PLCL1: variants seen among roughly 807,000 people sequenced by gnomAD.
PLCL1 encodes phospholipase C like 1 (inactive).
Under a neutral mutation model 84.4 loss-of-function variants are expected in PLCL1, and 41 were observed. The observed-to-expected ratio is 0.49, with a 90% CI of 0.38 to 0.63. PLCL1 has a LOEUF of 0.63. PLCL1 is among the 30% of genes least tolerant of loss of function. The probability of loss-of-function intolerance (pLI) is 0.00; values close to 1 mark genes in which losing one functional copy is unlikely to be tolerated. For missense variants in PLCL1, 1,206 were observed against 1,367.8 expected (o/e 0.88, Z 1.87); for synonymous variants, 490 against 488.3 (o/e 1.00, Z -0.05).
intron 1 of PLCL1, among the ~76,000 whole-genome samples, chr2:197,899,069 C>T (rs1688212775): frequency 6.6e-6 from 1 of 152,090 alleles, no homozygotes; most frequent in Non-Finnish European, 1.5e-5. Context: ...GTCTAGTATA[C>T]AACTCAAGTA....
Position 197,804,902 on chromosome 2 carries a change from A to T in PLCL1, c.-198A>T. On this transcript the variant is annotated 5_prime_UTR_variant, in exon 1 of 6. Coordinates refer to ENST00000428675, the MANE Select transcript of PLCL1 (RefSeq NM_006226.4). ...TGCTAGCCTCCTAGACCGAAGCCCGAGGACGTCTCTGCCCGAGCGATGTCC... is the reference window on the plus strand; with the variant it reads ...TGCTAGCCTCCTAGACCGAAGCCCGTGGACGTCTCTGCCCGAGCGATGTCC... The T allele has an allele frequency of 1.9e-6, 1 of 531,328 alleles. No individual in the cohort carries two copies. The highest frequency in any genetic ancestry group is 3.2e-6 in the Non-Finnish European group (1 of 316,900). The allele number at this position is 531,328 out of a possible 1,614,324, so 32.9% of individuals were successfully genotyped here.
At chr2:198,035,690 A>G (rs953834932) in intron 1 of PLCL1, among the ~76,000 whole-genome samples, 1 of 152,250 alleles carries the variant, frequency 6.6e-6, no homozygotes, top group Non-Finnish European at 1.5e-5. Context: ...ATGAGCAACT[A>G]TGTAAAATGG....
intron 3 of PLCL1, among the ~76,000 whole-genome samples, chr2:198,098,620 C>T (rs1693256626): frequency 6.6e-6 from 1 of 152,092 alleles, no homozygotes. Flanking sequence ...AAGATAACTT[C>T]TAAGTAGAAA....
chr2:198,109,364 C>G (rs916239199), intron 5 of PLCL1, among the ~76,000 whole-genome samples: 1 of 151,804 alleles, frequency 6.6e-6, no homozygotes, highest in Non-Finnish European at 1.5e-5. Context: ...AAGGCCTTAC[C>G]TCTTGATATT....
At chr2:197,980,742 G>A (rs945679493) in intron 1 of PLCL1, among the ~76,000 whole-genome samples, 2 of 152,202 alleles carry the variant, frequency 1.3e-5, no homozygotes, top group African/African-American at 4.8e-5. Context: ...TCATAAAAAT[G>A]ATCATAGCTA....
At chr2:197,957,866 T>C (rs546058280) in intron 1 of PLCL1, among the ~76,000 whole-genome samples, 1 of 152,242 alleles carries the variant, frequency 6.6e-6, no homozygotes, top group East Asian at 1.9e-4. Flanking sequence ...TTATCCTCAG[T>C]GATTTAATTT....
intron 1 of PLCL1, among the ~76,000 whole-genome samples, chr2:198,068,698 A>T (rs984893291): frequency 7.9e-5 from 12 of 152,328 alleles, no homozygotes; most frequent in African/African-American, 2.4e-4. Flanking sequence ...GTGCTAGCTT[A>T]TAGTCCTGCA....
At chr2:197,992,140 T>G (rs1467689681) in intron 1 of PLCL1, among the ~76,000 whole-genome samples, 1 of 152,200 alleles carries the variant, frequency 6.6e-6, no homozygotes, top group Non-Finnish European at 1.5e-5. Context: ...TGTATACATG[T>G]GCCATGTTGG....
intron 1 of PLCL1, among the ~76,000 whole-genome samples, chr2:198,060,966 A>G (rs571851807): frequency 1.3e-5 from 2 of 152,318 alleles, no homozygotes; most frequent in South Asian, 2.1e-4. Context: ...ATTAACCCTA[A>G]TAAGCCAGCA....
intron 1 of PLCL1, among the ~76,000 whole-genome samples, chr2:198,024,642 G>A (rs1978889): frequency 0.69 from 104,357 of 151,804 alleles, 36,222 homozygotes; most frequent in Middle Eastern, 0.85. Flanking sequence ...ACATGCCTGT[G>A]ATCCCTGCTA....
At chr2:198,077,719 C>T (rs1481431358) in intron 1 of PLCL1, among the ~76,000 whole-genome samples, 1 of 152,178 alleles carries the variant, frequency 6.6e-6, no homozygotes, top group East Asian at 1.9e-4. Context: ...ATCCAACTTT[C>T]CATTGGGCAA....
At chr2:197,899,639 C>CTTTTT (rs1232397878) in intron 1 of PLCL1, among the ~76,000 whole-genome samples, 1 of 141,272 alleles carries the variant, frequency 7.1e-6, no homozygotes, top group African/African-American at 2.6e-5. Context: ...TTCTTTCTTT[C>CTTTTT]TTTTTTTTTT....
chr2:197,805,715 C>A lies in PLCL1; in HGVS notation c.240+376C>A, dbSNP rs1375714539. On this transcript the variant is annotated intron_variant, in intron 1 of 5. Coordinates refer to ENST00000428675, the MANE Select transcript of PLCL1 (RefSeq NM_006226.4). This position sits in a 1 kb window ranked among gnomAD's most constrained non-coding sequence, Gnocchi z 4.0. The stretch of plus-strand genomic sequence containing the variant: ...GCTTTCCAATGAAGGGTTAGCTTTT[C>A]CCATACAATGAAGAAAATGCACAGC... 6.6e-6 allele frequency among the ~76,000 whole-genome samples: 1 copy of A among 152,150 alleles called. No homozygotes were observed. Among genetic ancestry groups the A allele is most frequent in the South Asian group, 2.1e-4 (1 of 4,828 alleles).
At chr2:197,955,209 A>T (rs560690314) in intron 1 of PLCL1, among the ~76,000 whole-genome samples, 2 of 151,882 alleles carry the variant, frequency 1.3e-5, no homozygotes, top group Non-Finnish European at 2.9e-5. Context: ...CTTTGCAGAC[A>T]CTCATCAGAT....
intron 1 of PLCL1, among the ~76,000 whole-genome samples, chr2:197,981,797 C>A (rs1397247812): frequency 2.0e-5 from 3 of 152,166 alleles, no homozygotes; most frequent in Admixed American, 6.5e-5. Context: ...TAGGGCCATA[C>A]TGCAGGAAAG....
chr2:198,045,840 T>C (rs2105863494), intron 1 of PLCL1, among the ~76,000 whole-genome samples: 1 of 152,344 alleles, frequency 6.6e-6, no homozygotes, highest in South Asian at 2.1e-4. Flanking sequence ...GCTGTGATTA[T>C]TTTTGAAATA....
intron 1 of PLCL1, among the ~76,000 whole-genome samples, chr2:198,023,587 G>A (rs1356603765): frequency 6.6e-6 from 1 of 152,170 alleles, no homozygotes; most frequent in Non-Finnish European, 1.5e-5. Flanking sequence ...GTGGGCGAAG[G>A]ATATGGACAG....
chr2:197,820,511 A>C (rs953541604), intron 1 of PLCL1, among the ~76,000 whole-genome samples: 1 of 152,124 alleles, frequency 6.6e-6, no homozygotes, highest in Non-Finnish European at 1.5e-5. Context: ...AATCAGTTGC[A>C]ATCTGGTTTC....
chr2:197,911,347 T>C (rs957730520), intron 1 of PLCL1, among the ~76,000 whole-genome samples: 1 of 151,502 alleles, frequency 6.6e-6, no homozygotes, highest in Non-Finnish European at 1.5e-5. Context: ...AAAAAATAAA[T>C]AAATAAATAA....
Sources: allele counts gnomAD v4.1 joint callset (sites outside exome capture counted in the v4.1 genomes callset), GRCh38; gene constraint gnomAD v4.1.1; non-coding constraint Gnocchi (gnomAD v3.1); transcripts MANE v1.5; gene names NCBI Gene and HGNC (gene_info 2026-07-23, HGNC 2026-07-21).